MID2: variants seen among roughly 807,000 people sequenced by gnomAD.
MID2 encodes probable E3 ubiquitin-protein ligase MID2.
A neutral mutation model predicts 46.1 loss-of-function variants in MID2; 13 were observed. The observed-to-expected ratio is 0.28, with a 90% CI of 0.18 to 0.45. MID2 has a LOEUF of 0.45. Among genes scored for constraint, MID2 ranks in the 20% least tolerant of loss-of-function variants. The pLI, the probability that MID2 is intolerant of heterozygous loss-of-function variation, is 1.00. For missense variants in MID2, 431 were observed against 575.4 expected (o/e 0.75, Z 2.57); for synonymous variants, 199 against 212.3 (o/e 0.94, Z 0.55).
chrX:107,930,256 G>A lies in MID2; in HGVS notation c.*3183G>A, dbSNP rs1933259442. 8.9e-6 allele frequency among the ~76,000 whole-genome samples: 1 copy of A among 111,865 alleles called. No homozygotes were observed. Among genetic ancestry groups the A allele is most frequent in the Non-Finnish European group, 1.9e-5 (1 of 53,099 alleles). ...AGTGATGTTTGTTACTTCCTGGGCA[G>A]AAAAGCTTGGTTACTACTCCATTTG... On this transcript the variant is annotated 3_prime_UTR_variant, in exon 10 of 10. Coordinates refer to ENST00000262843, the MANE Select transcript of MID2 (RefSeq NM_012216.4).
chrX:107,880,132 T>C (rs750245140), intron 3 of MID2, among the ~76,000 whole-genome samples: 1 of 108,331 alleles, frequency 9.2e-6, no homozygotes, highest in Non-Finnish European at 1.9e-5. Context: ...TTTCTTTCTT[T>C]TTCTTTTTTC....
intron 3 of MID2, among the ~76,000 whole-genome samples, chrX:107,864,180 C>T (rs1931911563): frequency 8.9e-6 from 1 of 112,085 alleles, no homozygotes; most frequent in African/African-American, 3.2e-5. Flanking sequence ...GAGGCAGCTC[C>T]AGAAAACCCT....
chrX:107,889,568 A>C (rs1419342797), intron 3 of MID2, among the ~76,000 whole-genome samples: 1 of 110,302 alleles, frequency 9.1e-6, no homozygotes, highest in East Asian at 2.8e-4. Context: ...CCTTCATTTC[A>C]ACTTTGGTGA....
intron 3 of MID2, among the ~76,000 whole-genome samples, chrX:107,885,727 C>T (rs1932438078): frequency 8.9e-6 from 1 of 111,988 alleles, no homozygotes; most frequent in African/African-American, 3.3e-5. Context: ...AAAGAGTTTA[C>T]AGTCCCACCA....
chrX:107,922,957 A>G (rs1357330603), intron 7 of MID2, among the ~76,000 whole-genome samples: 6 of 111,925 alleles, frequency 5.4e-5, no homozygotes, highest in Non-Finnish European at 1.1e-4. Flanking sequence ...AACATAGGCA[A>G]GGCCTCAAAC....
intron 2 of MID2, among the ~76,000 whole-genome samples, chrX:107,853,097 G>C (rs192735576): frequency 1.8e-5 from 2 of 110,872 alleles, no homozygotes. Flanking sequence ...AAATAAAAAA[G>C]CCCATGATTA....
intron 1 of MID2, among the ~76,000 whole-genome samples, chrX:107,828,314 T>TTC (rs1556355426): frequency 1.0e-5 from 1 of 95,696 alleles, no homozygotes; most frequent in African/African-American, 4.1e-5. Context: ...TCTTTTCTTT[T>TTC]TTTTTTTTTT....
At chrX:107,868,254 T>C (rs1189205409) in intron 3 of MID2, among the ~76,000 whole-genome samples, 3 of 111,680 alleles carry the variant, frequency 2.7e-5, no homozygotes, top group Non-Finnish European at 5.6e-5. Context: ...AATGCTGACA[T>C]TTAAGGGACA....
Position 107,834,086 on chromosome X carries a change from G to A in MID2, c.5-6584G>A, listed in dbSNP as rs140292454. Among the ~76,000 whole-genome samples, 298 of 111,597 alleles carry A rather than the reference G, an allele frequency of 2.7e-3. 1 individual carries two copies. The highest frequency in any genetic ancestry group is 9.2e-3 in the African/African-American group (281 of 30,687). On this transcript the variant is annotated intron_variant, in intron 1 of 9. Coordinates refer to ENST00000262843, the MANE Select transcript of MID2 (RefSeq NM_012216.4). ...TGGGACTACAGGTGTGAGTCACCAC[G>A]CCAGACCCATTATTTTTTATCTTAA... is the stretch of plus-strand genomic sequence containing the variant.
chrX:107,861,211 A>T lies in MID2; in HGVS notation c.816+6507A>T, dbSNP rs1376411748. Among the ~76,000 whole-genome samples, 6 of 112,414 alleles carry T rather than the reference A, an allele frequency of 5.3e-5. No homozygotes were observed. In the East Asian group the frequency reaches 1.7e-3, roughly 31 times the overall value. ...CCTTCAAAATGTGGAAGATTTGATG[A>T]GTCAATTGGAGCAGAAGCATAGAAG... is the stretch of plus-strand genomic sequence containing the variant. On this transcript the variant is annotated intron_variant, in intron 3 of 9. Transcript: ENST00000262843.
chrX:107,853,947 T>C (rs1042450368), intron 2 of MID2, among the ~76,000 whole-genome samples: 39 of 111,441 alleles, frequency 3.5e-4, no homozygotes, highest in African/African-American at 1.2e-3. Context: ...TCTTCTACTT[T>C]GTGAGATTGT....
intron 3 of MID2, among the ~76,000 whole-genome samples, chrX:107,865,118 A>G (rs1012654215): frequency 3.6e-5 from 4 of 112,175 alleles, no homozygotes; most frequent in Non-Finnish European, 3.8e-5. Context: ...ATCCAATTTT[A>G]CTGAGGTCCT....
intron 6 of MID2, 72 bp downstream of exon 6, chrX:107,916,201 T>C (rs1457245617): frequency 1.9e-5 from 16 of 821,559 alleles, no homozygotes; most frequent in Non-Finnish European, 2.3e-5. Context: ...AAAAATAATT[T>C]GAAAAAGACA....
intron 3 of MID2, among the ~76,000 whole-genome samples, chrX:107,899,794 A>G (rs1184129745): frequency 8.9e-6 from 1 of 111,851 alleles, no homozygotes; most frequent in Non-Finnish European, 1.9e-5. Flanking sequence ...ACCTAATACA[A>G]AGAGCGAATG....
intron 5 of MID2, among the ~76,000 whole-genome samples, chrX:107,914,782 AT>A (rs1484867149): frequency 1.8e-5 from 2 of 112,525 alleles, no homozygotes; most frequent in African/African-American, 6.4e-5. Context: ...TTGCTGAAAT[AT>A]ATAAAATATA....
chrX:107,853,791 A>C (rs1262129262), intron 2 of MID2, among the ~76,000 whole-genome samples: 1 of 111,684 alleles, frequency 9.0e-6, no homozygotes, highest in Non-Finnish European at 1.9e-5. Context: ...AAAACAAAAA[A>C]AGTCATGGAA....
intron 4 of MID2, 91 bp downstream of exon 4, chrX:107,904,156 C>A: frequency 1.6e-6 from 1 of 643,787 alleles, no homozygotes; most frequent in Non-Finnish European, 2.5e-6. Context: ...ATCATGAAAT[C>A]AAGAAGAAAT....
At chrX:107,828,264 C>G (rs1472814468) in intron 1 of MID2, among the ~76,000 whole-genome samples, 1 of 110,020 alleles carries the variant, frequency 9.1e-6, no homozygotes, top group Non-Finnish European at 1.9e-5. Context: ...CCTGCAGAAC[C>G]ATGACCCAAT....
intron 7 of MID2, among the ~76,000 whole-genome samples, chrX:107,918,724 A>G (rs1018709021): frequency 2.7e-5 from 3 of 111,787 alleles, no homozygotes; most frequent in African/African-American, 9.8e-5. Context: ...CAGATTGTGA[A>G]GTCACAAACT....
Sources: gnomAD v4.1 joint callset for allele counts (sites outside exome capture counted in the v4.1 genomes callset) on GRCh38, gnomAD v4.1.1 for gene constraint, MANE v1.5 for transcripts, NCBI Gene and HGNC (gene_info 2026-07-23, HGNC 2026-07-21) for gene names.